Variants in GAB2 observed in about 807,000 individuals in gnomAD.
GAB2 encodes GRB2-associated-binding protein 2.
Under a neutral mutation model 65.5 loss-of-function variants are expected in GAB2, and 26 were observed. The ratio of observed to expected loss-of-function variants is 0.40; its 90% CI spans 0.29 to 0.55. GAB2 has a LOEUF of 0.55. Among genes scored for constraint, GAB2 ranks in the 20% least tolerant of loss-of-function variants. The pLI, the probability that GAB2 is intolerant of heterozygous loss-of-function variation, is 0.53. For missense variants in GAB2, 884 were observed against 875.8 expected (o/e 1.01, Z -0.12); for synonymous variants, 321 against 329.6 (o/e 0.97, Z 0.28).
intron 1 of GAB2, among the ~76,000 whole-genome samples, chr11:78,406,149 A>T (rs1227785612): frequency 6.6e-6 from 1 of 152,216 alleles, no homozygotes; most frequent in East Asian, 1.9e-4. Flanking sequence ...GTCACTGGAG[A>T]CCACATGGGA....
rs575604208 is a variant in GAB2 at position 78,269,639 on chromosome 11, T to C, written c.376+10962A>G. Among the ~76,000 whole-genome samples the C allele has an allele frequency of 2.6e-5, 4 of 152,318 alleles. No homozygotes were observed. The East Asian group carries it at 7.7e-4, about 29-fold the overall frequency. On this transcript the variant is annotated intron_variant, in intron 2 of 9. Transcript: ENST00000361507. ...CCAAAAGCATTCCTATGGGTATCGT[T>C]TGACCCCAGGTGGGACCCAGGACTT...
Position 78,226,620 on chromosome 11 carries a change from G to GGGGGCCCC in GAB2, c.1051_1052insGGGGCCCC (p.Pro351ArgfsTer79). On this transcript the variant is annotated frameshift_variant, in exon 4 of 10. Transcript: ENST00000361507. LOFTEE classifies it high-confidence loss of function. The stretch of plus-strand genomic sequence containing the variant: ...ACTTGGCTTGGGGGGGCGGGGTGGG[G>GGGGGCCCC]GAGCTATGGCTGAGTCCCCAGGAGT... The GGGGGCCCC allele has an allele frequency of 1.3e-6, 2 of 1,500,540 alleles. No individual in the cohort carries two copies. Among genetic ancestry groups the GGGGGCCCC allele is most frequent in the Non-Finnish European group, 1.9e-6 (2 of 1,079,004 alleles). 93.0% of individuals were successfully genotyped at this position (1,500,540 alleles called of 1,614,324 possible).
At chr11:78,333,262 CTTTT>C (rs755621311) in intron 1 of GAB2, among the ~76,000 whole-genome samples, 6 of 152,168 alleles carry the variant, frequency 3.9e-5, no homozygotes, top group East Asian at 3.9e-4. Context: ...CTTTTGGTGA[CTTTT>C]TTTATTTTTT....
chr11:78,397,371 G>A (rs1565184547), intron 1 of GAB2, among the ~76,000 whole-genome samples: 1 of 152,190 alleles, frequency 6.6e-6, no homozygotes, highest in Admixed American at 6.5e-5. Context: ...CATGAACAAA[G>A]GGCATGGTGC....
chr11:78,361,337 T>C (rs10899485), intron 1 of GAB2, among the ~76,000 whole-genome samples: 43,732 of 152,056 alleles, frequency 0.29, 7,751 homozygotes, highest in African/African-American at 0.49. Context: ...ATGATTGTTA[T>C]AGTGACTACA....
intron 2 of GAB2, among the ~76,000 whole-genome samples, chr11:78,265,403 G>A (rs1282487223): frequency 6.6e-6 from 1 of 152,022 alleles, no homozygotes; most frequent in Admixed American, 6.6e-5. Flanking sequence ...CATTTGAGCA[G>A]TTTGGAACTA....
intron 1 of GAB2, among the ~76,000 whole-genome samples, chr11:78,353,734 T>C (rs1380542349): frequency 6.6e-6 from 1 of 152,214 alleles, no homozygotes; most frequent in Non-Finnish European, 1.5e-5. Context: ...TAATGACTAC[T>C]GTATTGGACA....
chr11:78,225,224 A>G (rs199519626), intron 4 of GAB2, 22 bp from the exon 5 acceptor site: 68 of 1,490,990 alleles, frequency 4.6e-5, no homozygotes, highest in African/African-American at 1.4e-4. Context: ...AGGAGGATTC[A>G]TAAGTACTCA....
chr11:78,343,212 AGACT>A (rs554118025), intron 1 of GAB2, among the ~76,000 whole-genome samples: 3 of 152,220 alleles, frequency 2.0e-5, no homozygotes, highest in Non-Finnish European at 4.4e-5. Context: ...CTAGAGATGT[AGACT>A]GACTTACACA....
rs530326053 is a variant in GAB2, at chr11:78,341,826, C to T, written c.76-60925G>A. 1.9e-5 allele frequency: 19 copies of T among 985,342 alleles called. No individual in the cohort carries two copies. The African/African-American group carries it at 3.3e-4, about 17-fold the overall frequency. The allele number at this position is 985,342 out of a possible 1,614,324, so 61.0% of individuals were successfully genotyped here. On this transcript the variant is annotated intron_variant, in intron 1 of 9. Transcript: ENST00000361507. The stretch of plus-strand genomic sequence containing the variant: ...TCTCTATTGCTAGCCTCGCCTTTGT[C>T]TCAGTTACTCCTCTCTTCAGGGATC...
At chr11:78,363,578 T>TAC (rs1856460877) in intron 1 of GAB2, among the ~76,000 whole-genome samples, 1 of 150,886 alleles carries the variant, frequency 6.6e-6, no homozygotes, top group African/African-American at 2.5e-5. Flanking sequence ...TAAATAGAAA[T>TAC]ATATTTTCTT....
chr11:78,387,839 T>C (rs1168257371), intron 1 of GAB2, among the ~76,000 whole-genome samples: 1 of 152,154 alleles, frequency 6.6e-6, no homozygotes, highest in African/African-American at 2.4e-5. Context: ...TAGAGGAAGA[T>C]TGCTTGGGGT....
At chr11:78,223,385 A>G in intron 6 of GAB2, 27 bp downstream of exon 6, 1 of 1,488,980 alleles carries the variant, frequency 6.7e-7, no homozygotes, top group Non-Finnish European at 9.0e-7. Flanking sequence ...CTGTCCAGAG[A>G]TGGGACAGGG....
At chr11:78,413,281 C>T (rs934612736) in intron 1 of GAB2, among the ~76,000 whole-genome samples, 5 of 152,232 alleles carry the variant, frequency 3.3e-5, no homozygotes, top group Middle Eastern at 6.8e-3. Flanking sequence ...GGAGAAACCA[C>T]ACAGCCACTA....
intron 1 of GAB2, among the ~76,000 whole-genome samples, chr11:78,392,832 C>T (rs757366511): frequency 1.3e-5 from 2 of 152,220 alleles, no homozygotes; most frequent in Non-Finnish European, 2.9e-5. Context: ...CACATCCCAG[C>T]TCAATTATAA....
At chr11:78,309,372 A>G (rs2134639849) in intron 1 of GAB2, among the ~76,000 whole-genome samples, 1 of 152,174 alleles carries the variant, frequency 6.6e-6, no homozygotes, top group East Asian at 1.9e-4. Context: ...ATTCCATACT[A>G]ACTAACAGCC....
intron 1 of GAB2, among the ~76,000 whole-genome samples, chr11:78,396,192 G>A (rs1856892577): frequency 6.6e-6 from 1 of 152,170 alleles, no homozygotes; most frequent in Non-Finnish European, 1.5e-5. Flanking sequence ...CCAATGCCTT[G>A]CTACACAAAG....
At chr11:78,362,431 A>C (rs987676206) in intron 1 of GAB2, among the ~76,000 whole-genome samples, 1 of 152,186 alleles carries the variant, frequency 6.6e-6, no homozygotes, top group African/African-American at 2.4e-5. Context: ...CCAAATAAGC[A>C]GAGGGATAAA....
intron 1 of GAB2, among the ~76,000 whole-genome samples, chr11:78,398,991 A>G (rs770042328): frequency 3.9e-5 from 6 of 152,230 alleles, no homozygotes; most frequent in Non-Finnish European, 8.8e-5. Context: ...ATTCAAATGC[A>G]TGGAATATGT....
Sources: gnomAD v4.1 joint callset for allele counts (sites outside exome capture counted in the v4.1 genomes callset) on GRCh38, gnomAD v4.1.1 for gene constraint, MANE v1.5 for transcripts, NCBI Gene and HGNC (gene_info 2026-07-23, HGNC 2026-07-21) for gene names.